Variants in CCDC3 observed in about 807,000 individuals in gnomAD.
The protein encoded by CCDC3 is coiled-coil domain containing 3, also known as coiled-coil domain-containing protein 3.
CCDC3 carries 24 observed loss-of-function variants against 21.4 expected under a neutral mutation model. The ratio of observed to expected loss-of-function variants is 1.12; its 90% CI spans 0.81 to 1.58. The LOEUF (loss-of-function observed/expected upper bound fraction) is 1.58, where lower values mean the gene tolerates loss of function less well. Ranked by LOEUF, CCDC3 falls within the 40% of genes most tolerant of loss-of-function variation. The pLI is 0.00. For synonymous variants in CCDC3, 186 were observed against 166.0 expected, an observed-to-expected ratio of 1.12 and a Z score of -0.93; for missense variants, 425 against 360.9, an observed-to-expected ratio of 1.18 and a Z score of -1.44.
chr10:13,048,278 G>A (rs1836555111), intron 5 of CCDC3, among the ~76,000 whole-genome samples: 1 of 152,002 alleles, frequency 6.6e-6, no homozygotes. Context: ...TGCAGCCTCT[G>A]CCTCCCAGGT....
chr10:13,009,006 C>T lies in CCDC3; in HGVS notation c.-1-10494G>A, dbSNP rs79780342. On this transcript the variant is annotated intron_variant, in intron 5 of 6. Transcript: ENST00000378839. ...GATGTAAAATTCTATTTACCCATGA[C>T]ATGATCATCTGTCTAGAAAATGCAA... 7.9e-3 allele frequency among the ~76,000 whole-genome samples: 1,197 copies of T among 152,292 alleles called. 11 individuals are homozygous for T. The highest frequency in any genetic ancestry group is 0.027 in the African/African-American group (1,138 of 41,568).
intron 4 of CCDC3, among the ~76,000 whole-genome samples, chr10:13,067,498 T>C (rs986387736): frequency 5.9e-5 from 9 of 152,202 alleles, no homozygotes; most frequent in Admixed American, 1.3e-4. Context: ...AGGTTGGTCT[T>C]AAGCTGTAGC....
At chr10:12,957,644 C>T (rs55728504) in intron 2 of CCDC3, among the ~76,000 whole-genome samples, 78,644 of 151,772 alleles carry the variant, frequency 0.52, 22,812 homozygotes, top group Non-Finnish European at 0.65. Flanking sequence ...AGAGTTCTCT[C>T]GAGATCTGAT....
At chr10:13,018,739 T>G (rs1836104464) in intron 5 of CCDC3, among the ~76,000 whole-genome samples, 2 of 151,114 alleles carry the variant, frequency 1.3e-5, no homozygotes, top group East Asian at 3.9e-4. Flanking sequence ...GAGACCAGCC[T>G]GGCCAATATG....
At chr10:12,957,837 T>C (rs572944741) in intron 2 of CCDC3, among the ~76,000 whole-genome samples, 27 of 152,126 alleles carry the variant, frequency 1.8e-4, no homozygotes, top group Non-Finnish European at 3.7e-4. Context: ...AAACCTCTTT[T>C]CTTGTCTTTT....
At chr10:13,072,867 CTTTT>C (rs144915227) in intron 4 of CCDC3, among the ~76,000 whole-genome samples, 47 of 118,016 alleles carry the variant, frequency 4.0e-4, no homozygotes, top group Non-Finnish European at 5.0e-4. Flanking sequence ...TCTTTTCTTT[CTTTT>C]TTTTTTTTTT....
chr10:12,956,912 C>T (rs779126638), intron 2 of CCDC3, among the ~76,000 whole-genome samples: 22 of 152,216 alleles, frequency 1.4e-4, no homozygotes, highest in Non-Finnish European at 2.6e-4. Flanking sequence ...ACCATTTGTT[C>T]TAGCCAGCAA....
intron 4 of CCDC3, chr10:13,058,080 T>G: frequency 1.3e-6 from 1 of 761,094 alleles, no homozygotes. Context: ...TTCTGGCCCC[T>G]GATGTGCTTC....
At chr10:13,058,163 G>T in intron 4 of CCDC3, 1 of 997,912 alleles carries the variant, frequency 1.0e-6, no homozygotes, top group Non-Finnish European at 1.6e-6. Context: ...GCGAGGGATA[G>T]ACAAGCCTCC....
intron 5 of CCDC3, among the ~76,000 whole-genome samples, chr10:13,019,860 G>A (rs937109933): frequency 7.9e-5 from 12 of 152,134 alleles, no homozygotes; most frequent in African/African-American, 2.9e-4. Context: ...GCCCGGTGTG[G>A]TAGTGCACGC....
At chr10:13,096,745 G>A (rs1479695449) in intron 3 of CCDC3, among the ~76,000 whole-genome samples, 1 of 152,196 alleles carries the variant, frequency 6.6e-6, no homozygotes, top group East Asian at 1.9e-4. Flanking sequence ...CCAAAGTCCA[G>A]TAGGTGCATC....
intron 5 of CCDC3, among the ~76,000 whole-genome samples, chr10:13,020,355 G>C (rs758947627): frequency 6.6e-6 from 1 of 152,144 alleles, no homozygotes; most frequent in African/African-American, 2.4e-5. Flanking sequence ...TTGCTGTCAT[G>C]AACAGTTAGC....
chr10:12,908,324 C>CCT, intron 2 of CCDC3, among the ~76,000 whole-genome samples: 1 of 152,274 alleles, frequency 6.6e-6, no homozygotes, highest in Non-Finnish European at 1.5e-5. Context: ...CTGCATTAAA[C>CCT]CTCTCTAACT....
intron 2 of CCDC3, among the ~76,000 whole-genome samples, chr10:12,933,570 G>C (rs79335561): frequency 0.047 from 7,148 of 151,020 alleles, 210 homozygotes; most frequent in Non-Finnish European, 0.071. Flanking sequence ...AGAGTCTTGT[G>C]CCTCAGCCAC....
Position 13,043,693 on chromosome 10 carries a change from T to C in CCDC3, c.-2+5981A>G, listed in dbSNP as rs1050775531. On this transcript the variant is annotated intron_variant, in intron 5 of 6. Coordinates refer to the CCDC3 transcript ENST00000378839. ...CTGCAAAGGACATGATTTCATTCTT[T>C]TTCCTGGCTGCGTAGTATTCCCTGG... Among the ~76,000 whole-genome samples, 6 of 152,348 alleles carry C rather than the reference T, an allele frequency of 3.9e-5. No individual in the cohort carries two copies. The South Asian group carries it at 6.2e-4, about 16-fold the overall frequency.
intron 2 of CCDC3, among the ~76,000 whole-genome samples, chr10:12,904,874 G>A (rs1333292192): frequency 3.3e-5 from 5 of 152,002 alleles, no homozygotes; most frequent in Non-Finnish European, 7.4e-5. Context: ...GCACTGTATG[G>A]TGCAGAAAGT....
intron 2 of CCDC3, among the ~76,000 whole-genome samples, chr10:12,941,955 C>T (rs946675819): frequency 2.6e-5 from 4 of 152,178 alleles, no homozygotes; most frequent in Admixed American, 6.5e-5. Flanking sequence ...AAAAGTCTTA[C>T]CTTTGTTGAA....
intron 4 of CCDC3, among the ~76,000 whole-genome samples, chr10:13,070,942 T>C (rs767375923): frequency 1.3e-5 from 2 of 152,204 alleles, no homozygotes; most frequent in Non-Finnish European, 2.9e-5. Flanking sequence ...AGACGAACCC[T>C]GCTTGTTCCT....
At chr10:13,051,442 C>T (rs1022461362) in intron 4 of CCDC3, among the ~76,000 whole-genome samples, 2 of 152,188 alleles carry the variant, frequency 1.3e-5, no homozygotes, top group Non-Finnish European at 2.9e-5. Context: ...TCAATTGTTT[C>T]ATTTCTAAAG....
Sources: allele counts gnomAD v4.1 joint callset (sites outside exome capture counted in the v4.1 genomes callset), GRCh38; gene constraint gnomAD v4.1.1; transcripts MANE v1.5; gene names NCBI Gene and HGNC (gene_info 2026-07-23, HGNC 2026-07-21).